SH3KBP1: variants seen among roughly 807,000 people sequenced by gnomAD.
SH3KBP1 encodes the protein SH3 domain containing kinase binding protein 1, also known as SH3 domain-containing kinase-binding protein 1.
SH3KBP1 carries 8 observed loss-of-function variants against 50.1 expected under a neutral mutation model. The observed-to-expected ratio is 0.16, with a 90% CI of 0.09 to 0.29. SH3KBP1 has a LOEUF of 0.29. Ranked by LOEUF, SH3KBP1 falls within the 10% of genes least tolerant of loss-of-function variation. SH3KBP1 has a pLI of 1.00. For synonymous variants in SH3KBP1, 227 were observed against 218.6 expected, an observed-to-expected ratio of 1.04 and a Z score of -0.34; for missense variants, 377 against 535.2, an observed-to-expected ratio of 0.70 and a Z score of 2.92.
intron 12 of SH3KBP1, chrX:19,588,260 A>T: frequency 1.1e-6 from 1 of 901,215 alleles, no homozygotes; most frequent in Non-Finnish European, 1.5e-6. Flanking sequence ...CACATGAGAT[A>T]TACATACTTG....
chrX:19,854,635 C>T (rs774688668), intron 1 of SH3KBP1, among the ~76,000 whole-genome samples: 2 of 111,262 alleles, frequency 1.8e-5, no homozygotes, highest in South Asian at 3.8e-4. Context: ...ACTCAAAGGC[C>T]GCTTCAATAT....
At chrX:19,555,604 G>A (rs1296117304) in intron 13 of SH3KBP1, among the ~76,000 whole-genome samples, 4 of 111,998 alleles carry the variant, frequency 3.6e-5, no homozygotes, top group African/African-American at 1.3e-4. Flanking sequence ...TTTGCTTACA[G>A]CTAAAACCTG....
At chrX:19,537,495 G>A (rs1408347142) in intron 17 of SH3KBP1, among the ~76,000 whole-genome samples, 3 of 108,744 alleles carry the variant, frequency 2.8e-5, no homozygotes, top group Non-Finnish European at 5.7e-5. Context: ...AATTCCAAAT[G>A]AGAAACCCAA....
At chrX:19,818,633 C>T (rs1033011282) in intron 2 of SH3KBP1, among the ~76,000 whole-genome samples, 5 of 111,301 alleles carry the variant, frequency 4.5e-5, no homozygotes, top group South Asian at 3.7e-4. Context: ...TCATGAATGG[C>T]GTTGAATTTT....
intron 1 of SH3KBP1, among the ~76,000 whole-genome samples, chrX:19,852,403 C>T (rs1349898365): frequency 1.8e-5 from 2 of 110,890 alleles, no homozygotes; most frequent in African/African-American, 6.6e-5. Flanking sequence ...TTTGAAGGTG[C>T]TAAATTTTGG....
chrX:19,686,315 C>T (rs369757426), intron 5 of SH3KBP1, among the ~76,000 whole-genome samples: 3 of 111,716 alleles, frequency 2.7e-5, no homozygotes, highest in African/African-American at 9.8e-5. Flanking sequence ...AGTGATATAT[C>T]TTTTAGTGAC....
intron 2 of SH3KBP1, among the ~76,000 whole-genome samples, chrX:19,759,684 G>A (rs1369626448): frequency 2.7e-5 from 3 of 111,074 alleles, no homozygotes; most frequent in Non-Finnish European, 5.7e-5. Flanking sequence ...ATTAATCTAC[G>A]GAAGGCATGT....
intron 2 of SH3KBP1, among the ~76,000 whole-genome samples, chrX:19,829,964 G>A (rs1415174721): frequency 9.0e-6 from 1 of 111,077 alleles, no homozygotes; most frequent in Non-Finnish European, 1.9e-5. Context: ...CATTACCATG[G>A]CATCTGTCAA....
chrX:19,645,555 A>G, intron 6 of SH3KBP1, 80 bp from the exon 7 acceptor site: 1 of 804,058 alleles, frequency 1.2e-6, no homozygotes, highest in Non-Finnish European at 1.9e-6. Flanking sequence ...GATCATAATG[A>G]CAAAATGCTC....
At chrX:19,629,086 G>A (rs1213997312) in intron 8 of SH3KBP1, among the ~76,000 whole-genome samples, 2 of 111,347 alleles carry the variant, frequency 1.8e-5, no homozygotes, top group Admixed American at 9.5e-5. Flanking sequence ...CAGCCTGGGC[G>A]ACAGAGTGAG....
At chrX:19,831,620 C>T (rs1050771888) in intron 2 of SH3KBP1, among the ~76,000 whole-genome samples, 2 of 105,961 alleles carry the variant, frequency 1.9e-5, no homozygotes, top group East Asian at 2.9e-4. Context: ...GGAGAAACCC[C>T]GTCTCTACTA....
chrX:19,559,705 G>A (rs1219395171), intron 13 of SH3KBP1, among the ~76,000 whole-genome samples: 2 of 111,239 alleles, frequency 1.8e-5, no homozygotes, highest in African/African-American at 3.3e-5. Flanking sequence ...AAACCAGACC[G>A]TAGTCTAGCA....
chrX:19,837,462 C>CT (rs777871798), intron 1 of SH3KBP1, among the ~76,000 whole-genome samples: 2,678 of 72,549 alleles, frequency 0.037, 97 homozygotes, highest in East Asian at 0.062. Context: ...TTTCATAACA[C>CT]TTTTTTTTTT....
intron 2 of SH3KBP1, among the ~76,000 whole-genome samples, chrX:19,812,979 GACA>G (rs2067250337): frequency 9.4e-6 from 1 of 106,642 alleles, no homozygotes; most frequent in Admixed American, 1.0e-4. Flanking sequence ...TGTCTCAAAA[GACA>G]ACAACAAAAA....
rs193030025 is a variant in SH3KBP1, at chrX:19,577,529, T to C, written c.1299-8341A>G. ...GTTCTTCCCACTCAGACTCAAGATA[T>C]AAGATGGGGCTCGTGCACAGACGGC... On this transcript the variant is annotated intron_variant, in intron 12 of 17. Coordinates refer to ENST00000397821, the MANE Select transcript of SH3KBP1 (RefSeq NM_031892.3). Among the ~76,000 whole-genome samples, 20 of 111,168 alleles carry C rather than the reference T, an allele frequency of 1.8e-4. No homozygotes were observed. The East Asian group carries it at 3.4e-3, about 19-fold the overall frequency.
At chrX:19,544,390 A>G (rs775261882) in intron 15 of SH3KBP1, among the ~76,000 whole-genome samples, 59 of 110,219 alleles carry the variant, frequency 5.4e-4, no homozygotes, top group African/African-American at 1.9e-3. Flanking sequence ...TGAGGCTTAG[A>G]GAAGTGGCTG....
chrX:19,748,051 A>G (rs2064967026), intron 2 of SH3KBP1, among the ~76,000 whole-genome samples: 1 of 112,172 alleles, frequency 8.9e-6, no homozygotes, highest in African/African-American at 3.2e-5. Flanking sequence ...TCTGGCTCTG[A>G]AAGTAAAGAC....
chrX:19,705,498 A>G (rs1367811254), intron 4 of SH3KBP1, among the ~76,000 whole-genome samples: 1 of 111,397 alleles, frequency 9.0e-6, no homozygotes, highest in African/African-American at 3.3e-5. Flanking sequence ...TCACTCATTC[A>G]ACTTTCAATA....
chrX:19,616,253 C>G (rs776820560), intron 8 of SH3KBP1, among the ~76,000 whole-genome samples: 2 of 111,931 alleles, frequency 1.8e-5, no homozygotes, highest in African/African-American at 3.3e-5. Context: ...TGAGCCACCA[C>G]GCCTGACTGG....
Sources: gnomAD v4.1 joint callset for allele counts (sites outside exome capture counted in the v4.1 genomes callset) on GRCh38, gnomAD v4.1.1 for gene constraint, MANE v1.5 for transcripts, NCBI Gene and HGNC (gene_info 2026-07-23, HGNC 2026-07-21) for gene names.